CCDC187: variants seen among roughly 807,000 people sequenced by gnomAD.
CCDC187 encodes the protein coiled-coil domain-containing protein 187.
In CCDC187, 32 loss-of-function variants were observed where a neutral mutation model predicts 38.0. The ratio of observed to expected loss-of-function variants is 0.84; its 90% CI spans 0.64 to 1.13. CCDC187 has a LOEUF of 1.13. Among genes scored for constraint, CCDC187 ranks in the 50% most tolerant of loss-of-function variants. CCDC187 has a pLI of 0.00. For synonymous variants in CCDC187, 333 were observed against 347.9 expected (o/e 0.96, Z 0.48); for missense variants, 707 against 786.8 (o/e 0.90, Z 1.21).
At chr9:136,269,772 G>A (rs1453295701) in intron 14 of CCDC187, among the ~76,000 whole-genome samples, 2 of 152,198 alleles carry the variant, frequency 1.3e-5, no homozygotes, top group African/African-American at 4.8e-5. Context: ...TAATGAGCAG[G>A]ATAATTTATT....
upstream of CCDC187, among the ~76,000 whole-genome samples, chr9:136,304,815 G>A (rs1053321136): frequency 1.9e-3 from 291 of 152,324 alleles, 3 homozygotes; most frequent in African/African-American, 6.9e-3. Context: ...TCATGAGCAC[G>A]GATTTGTTCC....
In CCDC187 at chr9:136,290,481, T is replaced by C. The variant is rs1386770103; in HGVS notation, c.2127+5A>G. The stretch of plus-strand genomic sequence containing the variant: ...GAGTCCCCCCAACCCAACCCCAGCA[T>C]GTACCCCGGACTGTGCAGAACTGGG... On this transcript the variant is annotated splice_donor_5th_base_variant and intron_variant, in intron 6 of 25. Transcript: ENST00000638797. The C allele has an allele frequency of 7.5e-6, 3 of 397,892 alleles. No homozygotes were observed. Among genetic ancestry groups the C allele is most frequent in the Non-Finnish European group, 1.3e-5 (3 of 225,748 alleles). The allele number at this position is 397,892 out of a possible 1,614,324, so 24.6% of individuals were successfully genotyped here. A position where few individuals can be genotyped will look rare whatever the true frequency, so the allele number is the denominator to read the frequency against.
chr9:136,304,772 G>A (rs1251773347), upstream of CCDC187, among the ~76,000 whole-genome samples: 5 of 152,218 alleles, frequency 3.3e-5, no homozygotes, highest in South Asian at 2.1e-4. Context: ...GTCCATCCCC[G>A]CGGGAGGTGG....
At chr9:136,275,348 ATCCTG>A (rs1327011682) in intron 12 of CCDC187, among the ~76,000 whole-genome samples, 1 of 152,034 alleles carries the variant, frequency 6.6e-6, no homozygotes, top group Non-Finnish European at 1.5e-5. Flanking sequence ...AGGGGAGCAA[ATCCTG>A]TGATGCGGGG....
chr9:136,300,122 G>C, intron 3 of CCDC187, 98 bp downstream of exon 3: 1 of 396,946 alleles, frequency 2.5e-6, no homozygotes, highest in East Asian at 3.6e-5. Context: ...CTGACCCTCA[G>C]TGTCTTTGTC....
chr9:136,270,879 C>T (rs1554762313), intron 14 of CCDC187, among the ~76,000 whole-genome samples: 2 of 152,146 alleles, frequency 1.3e-5, no homozygotes, highest in East Asian at 3.8e-4. Flanking sequence ...CTATACCCAC[C>T]GGTTATCCCT....
chr9:136,301,809 C>T (rs1234767734), intron 2 of CCDC187, among the ~76,000 whole-genome samples: 1 of 151,926 alleles, frequency 6.6e-6, no homozygotes, highest in Non-Finnish European at 1.5e-5. Context: ...AGGATAGTCT[C>T]GATCTCCAGA....
At chr9:136,300,732 G>A (rs1831658223) in intron 2 of CCDC187, among the ~76,000 whole-genome samples, 1 of 152,114 alleles carries the variant, frequency 6.6e-6, no homozygotes, top group Non-Finnish European at 1.5e-5. Flanking sequence ...CGAGTAACTG[G>A]GATTACAGAC....
rs1554759272 is a variant in CCDC187 at position 136,250,925 on chromosome 9, C to T, written c.*2669G>A. 2.2e-6 allele frequency: 1 copy of T among 451,488 alleles called. No individual in the cohort carries two copies. 28.0% of individuals were successfully genotyped at this position (451,488 alleles called of 1,614,324 possible). ...GGGGGCCCAAAGAGGTTCTAAGGGG[C>T]CTGGGGTCTCTCACCAGAGCTATGG... On this transcript the variant is annotated 3_prime_UTR_variant, in exon 26 of 26. Transcript: ENST00000638797.
chr9:136,255,884 T>C (rs1554760234), intron 24 of CCDC187, among the ~76,000 whole-genome samples, 151 bp from the exon 25 acceptor site: 1 of 152,122 alleles, frequency 6.6e-6, no homozygotes, highest in East Asian at 1.9e-4. Context: ...TGAGTGACCC[T>C]GAGGGCAAGG....
At position 136,263,659 on chromosome 9, in the gene CCDC187, G is replaced by A. The variant is rs1830706725; in HGVS notation, c.3875C>T (p.Pro1292Leu). 3 of 985,386 alleles carry A rather than the reference G, an allele frequency of 3.0e-6. No individual in the cohort carries two copies. Among genetic ancestry groups the A allele is most frequent in the African/African-American group, 3.5e-5 (2 of 57,254 alleles). 61.0% of individuals were successfully genotyped at this position (985,386 alleles called of 1,614,324 possible). A position where few individuals can be genotyped will look rare whatever the true frequency, so the allele number is the denominator to read the frequency against. The part of the protein sequence containing the change: ...LPIPGPTDVV[P>L]AHELQAQAKL... ...GGCCTGGGCCTGCAGCTCGTGCGCT[G>A]GGACGACGTCCGTGGGCCCCGGGAT... Residue 1292 changes from proline (P) to leucine (L), a missense_variant, in exon 18 of 26, where the codon CCA (proline) becomes CTA (leucine). Coordinates refer to ENST00000638797, the MANE Select transcript of CCDC187 (RefSeq NM_001378188.1).
Position 136,253,698 on chromosome 9 carries a change from C to A in CCDC187, c.6130G>T (p.Glu2044Ter). The A allele has an allele frequency of 1.0e-6, 1 of 985,554 alleles. No homozygotes were observed. Among genetic ancestry groups the A allele is most frequent in the South Asian group, 4.7e-5 (1 of 21,292 alleles). 61.1% of individuals were successfully genotyped at this position (985,554 alleles called of 1,614,324 possible). ...AFPSPPSGPL[E>*]EDTAITTQDL... The stretch of plus-strand genomic sequence containing the variant: ...TGGGTGGTGATGGCGGTGTCCTCCT[C>A]AAGGGGCCCCGAGGGCGGGGAAGGG... The change falls in exon 26 of 26, where the codon GAG becomes TAG. Residue 2044 changes from glutamate to a stop codon, truncating the protein, a stop_gained. Transcript: ENST00000638797. LOFTEE classifies it low-confidence loss of function (END_TRUNC).
chr9:136,277,807 G>A (rs1830962073), intron 10 of CCDC187, among the ~76,000 whole-genome samples: 1 of 152,176 alleles, frequency 6.6e-6, no homozygotes, highest in South Asian at 2.1e-4. Flanking sequence ...TTGTGGATGA[G>A]CGCCTTGGTC....
At chr9:136,269,131 G>A (rs1261645068) in intron 14 of CCDC187, among the ~76,000 whole-genome samples, 5 of 152,218 alleles carry the variant, frequency 3.3e-5, no homozygotes, top group Non-Finnish European at 7.3e-5. Context: ...CGTTCCGGGG[G>A]ACTGGAAGCC....
At chr9:136,279,173 A>G (rs959206342) in intron 10 of CCDC187, among the ~76,000 whole-genome samples, 19,333 of 150,696 alleles carry the variant, frequency 0.13, 1,400 homozygotes, top group Admixed American at 0.2. Context: ...AGGTGTTTAA[A>G]TCTAGAAGGT....
chr9:136,296,649 A>G (rs36148091), intron 4 of CCDC187: 51,342 of 152,252 alleles, frequency 0.34, 9,150 homozygotes, highest in East Asian at 0.64. Context: ...AGGAAGCCCC[A>G]GAGGGACTCT....
intron 14 of CCDC187, among the ~76,000 whole-genome samples, chr9:136,274,309 C>T (rs184210117): frequency 2.2e-4 from 34 of 152,362 alleles, no homozygotes; most frequent in African/African-American, 8.2e-4. Context: ...GCGGACCTCC[C>T]TTCGTGTCAG....
chr9:136,253,640 G>A lies in CCDC187; in HGVS notation c.6188C>T (p.Pro2063Leu), dbSNP rs1361687803. 2.5e-5 allele frequency: 25 copies of A among 985,538 alleles called. 1 individual carries two copies. In the Admixed American group the frequency reaches 9.2e-4, roughly 36 times the overall value. The allele number at this position is 985,538 out of a possible 1,614,324, so 61.0% of individuals were successfully genotyped here. ...DLSSLSEESL[P>L]EGLFPGPQGS... ...CTGGGGCCCAGGAAACAGTCCCTCC[G>A]GCAGACTCTCCTCAGACAAGGAGGA... Residue 2063 changes from proline (P) to leucine (L), a missense_variant, in exon 26 of 26, where the codon CCG becomes CTG. Physicochemically the swap from Pro to Leu is moderately conservative, Grantham distance 98. Transcript: ENST00000638797.
rs1264673650 is a variant in CCDC187, at chr9:136,286,714, G to A, written c.2223-19C>T. On this transcript the variant is annotated intron_variant, in intron 7 of 25. Coordinates refer to ENST00000638797, the MANE Select transcript of CCDC187 (RefSeq NM_001378188.1). ...GCAGAAGCTGCAGGAAGAGAGACGT[G>A]GACAGATCAGCTCAGGCTCGGTCGC... 3 of 398,648 alleles carry A rather than the reference G, an allele frequency of 7.5e-6. No individual in the cohort carries two copies. Among genetic ancestry groups the A allele is most frequent in the African/African-American group, 6.2e-5 (3 of 48,614 alleles). The allele number at this position is 398,648 out of a possible 1,614,324, so 24.7% of individuals were successfully genotyped here. A position where few individuals can be genotyped will look rare whatever the true frequency, so the allele number is the denominator to read the frequency against.
Sources: allele counts gnomAD v4.1 joint callset (sites outside exome capture counted in the v4.1 genomes callset), GRCh38; gene constraint gnomAD v4.1.1; transcripts MANE v1.5; gene names NCBI Gene and HGNC (gene_info 2026-07-23, HGNC 2026-07-21).